Variants in ZSWIM6 observed in about 807,000 individuals in gnomAD.
ZSWIM6 encodes the protein zinc finger SWIM domain-containing protein 6.
ZSWIM6 carries 9 observed loss-of-function variants against 113.2 expected under a neutral mutation model. That is an observed-to-expected ratio of 0.08 (90% CI 0.05 to 0.14). ZSWIM6 has a LOEUF of 0.14. ZSWIM6 is among the 10% of genes least tolerant of loss of function. The pLI, the probability that ZSWIM6 is intolerant of heterozygous loss-of-function variation, is 1.00. For synonymous variants in ZSWIM6, 611 were observed against 606.5 expected (o/e 1.01, Z -0.11); for missense variants, 1,162 against 1,552.2 (o/e 0.75, Z 4.22).
At chr5:61,518,130 A>G (rs949543631) in intron 4 of ZSWIM6, among the ~76,000 whole-genome samples, 1 of 151,880 alleles carries the variant, frequency 6.6e-6, no homozygotes. Context: ...ATCATTTTTT[A>G]TGGCTGCATA....
chr5:61,375,122 G>A (rs553099042), intron 1 of ZSWIM6: 6 of 1,609,830 alleles, frequency 3.7e-6, no homozygotes, highest in African/African-American at 2.7e-5. Flanking sequence ...ATGGGGAAGC[G>A]GGACAATCGG....
intron 5 of ZSWIM6, among the ~76,000 whole-genome samples, chr5:61,522,530 A>G (rs1005217143): frequency 6.6e-6 from 1 of 152,204 alleles, no homozygotes; most frequent in Non-Finnish European, 1.5e-5. Context: ...AGAAAATGAT[A>G]TGTATTACTC....
At position 61,460,044 on chromosome 5, in the gene ZSWIM6, T is replaced by C. The variant is rs186299766; in HGVS notation, c.677-12637T>C. Among the ~76,000 whole-genome samples the C allele has an allele frequency of 5.9e-5, 9 of 152,356 alleles. No individual in the cohort carries two copies. In the East Asian group the frequency reaches 1.7e-3, roughly 29 times the overall value. On this transcript the variant is annotated intron_variant, in intron 1 of 13. Transcript: ENST00000252744. Reference sequence around the variant, plus strand: ...AAATAACAACAGCATTGGTGTATTTTCTTTTGTCTGGCATTATAAGAAGGT... The same window carrying C: ...AAATAACAACAGCATTGGTGTATTTCCTTTTGTCTGGCATTATAAGAAGGT...
At chr5:61,379,300 A>G (rs577769765) in intron 1 of ZSWIM6, among the ~76,000 whole-genome samples, 2 of 152,152 alleles carry the variant, frequency 1.3e-5, no homozygotes, top group African/African-American at 4.8e-5. Context: ...TTCTTACTGC[A>G]ATTTCAAGGC....
intron 2 of ZSWIM6, among the ~76,000 whole-genome samples, chr5:61,482,864 A>C (rs7717197): frequency 0.017 from 2,644 of 152,038 alleles, 62 homozygotes; most frequent in African/African-American, 0.057. Context: ...AAATCTTCTG[A>C]ATTCTAATCC....
At chr5:61,477,441 G>A (rs911552454) in intron 2 of ZSWIM6, among the ~76,000 whole-genome samples, 4 of 152,174 alleles carry the variant, frequency 2.6e-5, no homozygotes, top group African/African-American at 9.7e-5. Context: ...TGTCTTTGCT[G>A]GTGGTTATCT....
intron 1 of ZSWIM6, among the ~76,000 whole-genome samples, chr5:61,357,714 A>T (rs1037663970): frequency 6.6e-6 from 1 of 152,120 alleles, no homozygotes; most frequent in Non-Finnish European, 1.5e-5. Context: ...TAATATAATT[A>T]AAAAATAATC....
At chr5:61,445,311 G>A (rs917553591) in intron 1 of ZSWIM6, among the ~76,000 whole-genome samples, 1 of 152,100 alleles carries the variant, frequency 6.6e-6, no homozygotes, top group African/African-American at 2.4e-5. Flanking sequence ...CAAGGACAAA[G>A]AACAAGCAAA....
intron 4 of ZSWIM6, among the ~76,000 whole-genome samples, chr5:61,519,737 A>G (rs111429283): frequency 6.6e-6 from 1 of 152,122 alleles, no homozygotes; most frequent in Admixed American, 6.6e-5. Context: ...GATATTTAAA[A>G]TAATAGATAC....
chr5:61,418,890 C>T lies in ZSWIM6; in HGVS notation c.677-53791C>T, dbSNP rs568125374. 4.6e-5 allele frequency among the ~76,000 whole-genome samples: 7 copies of T among 152,136 alleles called. No individual in the cohort carries two copies. The South Asian group carries it at 1.2e-3, about 27-fold the overall frequency. On this transcript the variant is annotated intron_variant, in intron 1 of 13. Coordinates refer to ENST00000252744, the MANE Select transcript of ZSWIM6 (RefSeq NM_020928.2). The stretch of plus-strand genomic sequence containing the variant: ...AGGCTAGAGTGCAGTGGTGCAATCT[C>T]GGCTCACTGCAACCTCCACCTCCCA...
intron 2 of ZSWIM6, among the ~76,000 whole-genome samples, chr5:61,482,088 C>A (rs943460829): frequency 6.6e-6 from 1 of 152,114 alleles, no homozygotes; most frequent in Non-Finnish European, 1.5e-5. Flanking sequence ...TTTGCATTCC[C>A]TTCTCAAAGC....
At chr5:61,379,464 G>A (rs1160735753) in intron 1 of ZSWIM6, among the ~76,000 whole-genome samples, 1 of 152,034 alleles carries the variant, frequency 6.6e-6, no homozygotes, top group Non-Finnish European at 1.5e-5. Flanking sequence ...TTTACTTGTG[G>A]TCGAGTAATC....
At chr5:61,536,721 G>A (rs150667405) in intron 10 of ZSWIM6, among the ~76,000 whole-genome samples, 2,823 of 152,284 alleles carry the variant, frequency 0.019, 51 homozygotes, top group Non-Finnish European at 0.032. Flanking sequence ...GTGTGTATGT[G>A]TCTGTGTGTA....
chr5:61,474,891 T>G (rs980337101), intron 2 of ZSWIM6, among the ~76,000 whole-genome samples: 1 of 152,216 alleles, frequency 6.6e-6, no homozygotes, highest in Non-Finnish European at 1.5e-5. Flanking sequence ...AGGCTCAGCT[T>G]TACTAAAGTA....
At chr5:61,503,308 T>C (rs1748522971) in intron 4 of ZSWIM6, among the ~76,000 whole-genome samples, 1 of 152,166 alleles carries the variant, frequency 6.6e-6, no homozygotes, top group Admixed American at 6.6e-5. Context: ...GTCTGAAAAA[T>C]GTAGGTAACT....
intron 2 of ZSWIM6, among the ~76,000 whole-genome samples, chr5:61,478,739 A>G (rs550375593): frequency 1.3e-5 from 2 of 152,000 alleles, no homozygotes; most frequent in South Asian, 4.2e-4. Context: ...GAATTTGTAT[A>G]GATATAACAG....
Position 61,473,031 on chromosome 5 carries a change from G to C in ZSWIM6, c.1027G>C (p.Val343Leu). 1 of 1,521,848 alleles carries C rather than the reference G, an allele frequency of 6.6e-7. No homozygotes were observed. Among genetic ancestry groups the C allele is most frequent in the Non-Finnish European group, 8.9e-7 (1 of 1,127,706 alleles). The allele number at this position is 1,521,848 out of a possible 1,614,324, so 94.3% of individuals were successfully genotyped here. A position where few individuals can be genotyped will look rare whatever the true frequency, so the allele number is the denominator to read the frequency against. The change falls in exon 2 of 14, where the codon GTT becomes CTT. Residue 343 changes from valine to leucine, a missense_variant. Physicochemically the swap from Val to Leu is conservative, Grantham distance 32. Coordinates refer to ENST00000252744, the MANE Select transcript of ZSWIM6 (RefSeq NM_020928.2). ...TTCCCAAAATTCAGAAATCAACCAAGTTCATGGTGAGTATAGACATTGACT... is the reference window on the plus strand; with the variant it reads ...TTCCCAAAATTCAGAAATCAACCAACTTCATGGTGAGTATAGACATTGACT... The part of the protein sequence containing the change: ...ILSQNSEINQ[V>L]HGAPDPTAGA...
chr5:61,348,334 GAAAAACCA>G (rs1175271188), intron 1 of ZSWIM6, among the ~76,000 whole-genome samples: 1 of 152,130 alleles, frequency 6.6e-6, no homozygotes, highest in Non-Finnish European at 1.5e-5. Context: ...ATTAAGCTCT[GAAAAACCA>G]AAAAATTCAT....
At position 61,339,263 on chromosome 5, in the gene ZSWIM6, G is replaced by A. The variant is rs113838025; in HGVS notation, c.676+6315G>A. ...CTCTACTAAAATGCAAAAATTAGCCGGGCGTAGTGGTACACCGCTGTAATC... is the reference window on the plus strand; with the variant it reads ...CTCTACTAAAATGCAAAAATTAGCCAGGCGTAGTGGTACACCGCTGTAATC... On this transcript the variant is annotated intron_variant, in intron 1 of 13. Transcript: ENST00000252744. Among the ~76,000 whole-genome samples, 31 of 152,196 alleles carry A rather than the reference G, an allele frequency of 2.0e-4. 2 individuals are homozygous for A. Among genetic ancestry groups the A allele is most frequent in the African/African-American group, 7.5e-4 (31 of 41,522 alleles).
Sources: allele counts gnomAD v4.1 joint callset (sites outside exome capture counted in the v4.1 genomes callset), GRCh38; gene constraint gnomAD v4.1.1; transcripts MANE v1.5; gene names NCBI Gene and HGNC (gene_info 2026-07-23, HGNC 2026-07-21).